SRPK2: variants seen among roughly 807,000 people sequenced by gnomAD.
SRPK2 encodes SFRS protein kinase 2.
SRPK2 carries 21 observed loss-of-function variants against 90.8 expected under a neutral mutation model. The observed-to-expected ratio is 0.23, with a 90% CI of 0.16 to 0.33. The LOEUF (loss-of-function observed/expected upper bound fraction) is 0.33, where lower values mean the gene tolerates loss of function less well. Among genes scored for constraint, SRPK2 ranks in the 10% least tolerant of loss-of-function variants. SRPK2 has a pLI of 1.00. For synonymous variants in SRPK2, 288 were observed against 311.1 expected (o/e 0.93, Z 0.78); for missense variants, 620 against 869.0 (o/e 0.71, Z 3.60).
chr7:105,380,021 A>T (rs1820759944), intron 2 of SRPK2, among the ~76,000 whole-genome samples: 1 of 152,242 alleles, frequency 6.6e-6, no homozygotes, highest in South Asian at 2.1e-4. Flanking sequence ...AGGCACCTGC[A>T]GTCCCAGCTA....
Position 105,168,086 on chromosome 7 carries a change from T to C in SRPK2, c.348A>G (p.Arg116=). ...VWLCWDMQGK[R]FVAMKVVKSA... is the part of the protein sequence containing the mutation. ...TTTTTACAACTTTCATTGCAACAAA[T>C]CTTTTCCCCCTAAAAGAAAAAACAA... Residue 116 remains arginine, a synonymous_variant, in exon 5 of 16, where the codon AGA becomes AGG. Transcript: ENST00000393651. 2 of 1,611,404 alleles carry C rather than the reference T, an allele frequency of 1.2e-6. No individual in the cohort carries two copies. Among genetic ancestry groups the C allele is most frequent in the Non-Finnish European group, 8.5e-7 (1 of 1,178,610 alleles).
At chr7:105,314,323 C>A (rs1812069652) in intron 2 of SRPK2, among the ~76,000 whole-genome samples, 1 of 151,858 alleles carries the variant, frequency 6.6e-6, no homozygotes, top group South Asian at 2.1e-4. Flanking sequence ...CAGAGTAAGA[C>A]CCTGTCTTGA....
intron 2 of SRPK2, chr7:105,269,178 A>G (rs1805498851): frequency 1.3e-6 from 1 of 775,320 alleles, no homozygotes; most frequent in Admixed American, 6.2e-5. Flanking sequence ...TTAGCAAAAT[A>G]AAATACAAAC....
chr7:105,249,885 TTCC>T (rs1295300152), intron 2 of SRPK2, among the ~76,000 whole-genome samples: 1 of 152,262 alleles, frequency 6.6e-6, no homozygotes, highest in African/African-American at 2.4e-5. Flanking sequence ...AATGTGGAGA[TTCC>T]TCCTAATAAT....
At chr7:105,148,770 C>CCCAGCCACTTTGCT (rs980611352) in intron 7 of SRPK2, among the ~76,000 whole-genome samples, 1 of 152,182 alleles carries the variant, frequency 6.6e-6, no homozygotes, top group African/African-American at 2.4e-5. Context: ...GTAGCTTTGC[C>CCCAGCCACTTTGCT]CCAGCCACTT....
At chr7:105,334,846 A>C (rs928040378) in intron 2 of SRPK2, among the ~76,000 whole-genome samples, 1 of 150,460 alleles carries the variant, frequency 6.6e-6, no homozygotes, top group Non-Finnish European at 1.5e-5. Context: ...AAAAAAAAAA[A>C]AACAAAAAAA....
chr7:105,124,404 G>T (rs1259934985), intron 15 of SRPK2, among the ~76,000 whole-genome samples: 1 of 152,164 alleles, frequency 6.6e-6, no homozygotes. Context: ...CAATTGGGAG[G>T]CCGAGGTGGG....
intron 2 of SRPK2, among the ~76,000 whole-genome samples, chr7:105,340,284 G>A (rs191614366): frequency 1.3e-5 from 2 of 152,152 alleles, no homozygotes; most frequent in East Asian, 1.9e-4. Context: ...AAGCCAAGTG[G>A]GCAGTTGAGT....
intron 2 of SRPK2, among the ~76,000 whole-genome samples, chr7:105,346,272 C>T (rs950398058): frequency 6.6e-6 from 1 of 152,122 alleles, no homozygotes; most frequent in East Asian, 1.9e-4. Flanking sequence ...CCATTCTCAA[C>T]TGCATTCACA....
intron 2 of SRPK2, chr7:105,301,981 T>G: frequency 6.2e-7 from 1 of 1,607,188 alleles, no homozygotes; most frequent in Non-Finnish European, 8.5e-7. Context: ...CCCAGAAGCG[T>G]AAGCTGGCAG....
At chr7:105,170,840 A>AAAGG (rs1299421769) in intron 3 of SRPK2, among the ~76,000 whole-genome samples, 4 of 8,040 alleles carry the variant, frequency 5.0e-4, no homozygotes, top group African/African-American at 1.6e-3. Flanking sequence ...AGAAAGGAAG[A>AAAGG]AAGAAAGAAA....
intron 2 of SRPK2, among the ~76,000 whole-genome samples, chr7:105,253,330 A>G (rs1409579915): frequency 1.3e-5 from 2 of 152,194 alleles, no homozygotes; most frequent in Non-Finnish European, 2.9e-5. Flanking sequence ...GCTAGGGGGA[A>G]AAATATATTT....
chr7:105,238,714 TTTCA>T (rs1439937127), intron 2 of SRPK2, among the ~76,000 whole-genome samples: 78 of 151,618 alleles, frequency 5.1e-4, no homozygotes, highest in African/African-American at 1.8e-3. Flanking sequence ...ACAGTCATTA[TTTCA>T]TTTTTATTAA....
upstream of SRPK2, among the ~76,000 whole-genome samples, chr7:105,392,969 C>T (rs1328958063): frequency 6.0e-5 from 9 of 150,926 alleles, no homozygotes; most frequent in African/African-American, 2.2e-4. Flanking sequence ...TGTACCACCA[C>T]ACCCGGCTAA....
intron 2 of SRPK2, among the ~76,000 whole-genome samples, chr7:105,321,584 C>A (rs1812945213): frequency 6.6e-6 from 1 of 151,644 alleles, no homozygotes. Context: ...GGATCTAGTA[C>A]CTGGAATATA....
intron 11 of SRPK2, among the ~76,000 whole-genome samples, chr7:105,137,190 G>A (rs571869342): frequency 7.9e-5 from 12 of 152,204 alleles, no homozygotes; most frequent in Non-Finnish European, 1.6e-4. Flanking sequence ...GCAACTTTGA[G>A]AAACTTTAGA....
chr7:105,356,556 A>T (rs900307077), intron 2 of SRPK2, among the ~76,000 whole-genome samples: 1 of 152,174 alleles, frequency 6.6e-6, no homozygotes, highest in African/African-American at 2.4e-5. Flanking sequence ...TATATTAGCT[A>T]TTTTTTGTAG....
At position 105,151,675 on chromosome 7, in the gene SRPK2, T is replaced by A. The variant is rs181127166; in HGVS notation, c.622-5017A>T. On this transcript the variant is annotated intron_variant, in intron 7 of 15. Coordinates refer to ENST00000393651, the MANE Select transcript of SRPK2 (RefSeq NM_182692.3). ...GATCCTCTTGCTTCAGCCTCCCAAG[T>A]GGCTGGGATTACAGGTGTGAGCCAC... is the stretch of plus-strand genomic sequence containing the variant. Among the ~76,000 whole-genome samples the A allele has an allele frequency of 5.3e-4, 81 of 152,162 alleles. No homozygotes were observed. The Middle Eastern group carries it at 0.014, about 26-fold the overall frequency.
At chr7:105,216,265 A>G (rs1797448648) in intron 2 of SRPK2, among the ~76,000 whole-genome samples, 1 of 152,172 alleles carries the variant, frequency 6.6e-6, no homozygotes, top group Non-Finnish European at 1.5e-5. Flanking sequence ...GATGAATAAA[A>G]AGATGCAGAG....
Sources: allele counts gnomAD v4.1 joint callset (sites outside exome capture counted in the v4.1 genomes callset), GRCh38; gene constraint gnomAD v4.1.1; transcripts MANE v1.5; gene names NCBI Gene and HGNC (gene_info 2026-07-23, HGNC 2026-07-21).